DNAH1: variants seen among roughly 807,000 people sequenced by gnomAD.
DNAH1 encodes axonemal beta dynein heavy chain 1.
DNAH1 carries 327 observed loss-of-function variants against 484.3 expected under a neutral mutation model. That is an observed-to-expected ratio of 0.68 (90% CI 0.62 to 0.74). The LOEUF is 0.74. Ranked by LOEUF, DNAH1 falls within the 30% of genes least tolerant of loss-of-function variation. The probability of loss-of-function intolerance (pLI) is 0.00; values close to 1 mark genes in which losing one functional copy is unlikely to be tolerated. For synonymous variants in DNAH1, 2,192 were observed against 2,191.9 expected, an observed-to-expected ratio of 1.00 and a Z score of 0.00; for missense variants, 5,052 against 5,546.8, an observed-to-expected ratio of 0.91 and a Z score of 2.83.
Position 52,353,548 on chromosome 3 carries a change from G to A in DNAH1, c.3395G>A (p.Arg1132His), listed in dbSNP as rs751460685. Residue 1132 changes from arginine (R) to histidine (H), a missense_variant, in exon 20 of 78, where the codon CGC (arginine) becomes CAC (histidine). Coordinates refer to ENST00000420323, the MANE Select transcript of DNAH1 (RefSeq NM_015512.5). This position sits in a 1 kb window ranked among gnomAD's most constrained non-coding sequence, Gnocchi z 5.0. ...CCCAAGGCCAACCTGACCTTTGCTC[G>A]CTGCCTGGAGATGAACCTGCAGGAC... ...VRPKANLTFA[R>H]CLEMNLQDHI... The A allele has an allele frequency of 9.9e-6, 16 of 1,613,472 alleles. No individual in the cohort carries two copies. Among genetic ancestry groups the A allele is most frequent in the East Asian group, 6.7e-5 (3 of 44,868 alleles).
chr3:52,337,500 C>T (rs1028549930), intron 8 of DNAH1, among the ~76,000 whole-genome samples: 2 of 152,214 alleles, frequency 1.3e-5, no homozygotes, highest in Non-Finnish European at 2.9e-5. Context: ...TATTTGTGAG[C>T]CAAATTTAAA....
intron 32 of DNAH1, among the ~76,000 whole-genome samples, chr3:52,363,355 T>A (rs1253550978): frequency 2.0e-5 from 3 of 152,222 alleles, no homozygotes. Flanking sequence ...CTGGCCAGGC[T>A]CATGCAGTAC....
rs1405389253 is a variant in DNAH1, at chr3:52,350,012, C to A, written c.2550C>A (p.Ile850=). The A allele has an allele frequency of 6.2e-7, 1 of 1,612,166 alleles. No homozygotes were observed. The highest frequency in any genetic ancestry group is 2.2e-5 in the East Asian group (1 of 44,844). ...VDSICEEFRS[I]SRKIYEKPNS... is the part of the protein sequence containing the mutation. ...AGATCTGCGAGGAGTTCCGCAGCAT[C>A]AGCCGCAAGATCTATGAGAAGCCCA... The change falls in exon 15 of 78, where the codon ATC becomes ATA. Residue 850 remains isoleucine, a synonymous_variant. Coordinates refer to ENST00000420323, the MANE Select transcript of DNAH1 (RefSeq NM_015512.5).
intron 59 of DNAH1, 131 bp from the exon 60 acceptor site, chr3:52,389,330 T>C: frequency 7.4e-7 from 1 of 1,348,594 alleles, no homozygotes; most frequent in Non-Finnish European, 1.0e-6. Flanking sequence ...CGAAGTGGGA[T>C]TAGAATGCAG....
In DNAH1 at chr3:52,330,582, C is replaced by T. The variant is rs190523793; in HGVS notation, c.872-566C>T. The stretch of plus-strand genomic sequence containing the variant: ...CTAGAGAGAAATGAGTGAGGGGCAG[C>T]GGTGGGAGGTAAGCTAGAGAAGTGG... On this transcript the variant is annotated intron_variant, in intron 6 of 77. Transcript: ENST00000420323. 1.8e-3 allele frequency among the ~76,000 whole-genome samples: 269 copies of T among 152,284 alleles called. 2 individuals are homozygous for T. The highest frequency in any genetic ancestry group is 6.2e-3 in the African/African-American group (259 of 41,566).
Position 52,385,378 on chromosome 3 carries a change from C to T in DNAH1, c.8556C>T (p.Asp2852=), listed in dbSNP as rs1253957854. 2 of 1,552,914 alleles carry T rather than the reference C, an allele frequency of 1.3e-6. No homozygotes were observed. The highest frequency in any genetic ancestry group is 1.7e-6 in the Non-Finnish European group (2 of 1,147,676). Residue 2852 remains aspartate, a synonymous_variant, in exon 54 of 78, where the codon GAC becomes GAT. Transcript: ENST00000420323. ...AGGATGTAGCCAAGATGCAGGAGGA[C>T]CTGGAGAGTATGCACCCCCTGCTGG... ...TSEDVAKMQE[D]LESMHPLLEE...
intron 56 of DNAH1, among the ~76,000 whole-genome samples, chr3:52,387,593 C>T (rs1704164543): frequency 6.6e-6 from 1 of 152,222 alleles, no homozygotes; most frequent in Non-Finnish European, 1.5e-5. Context: ...AAACTAGAGG[C>T]CCCACAGGCC....
rs1236596773 is a variant in DNAH1, at chr3:52,362,729, C to A, written c.5094+228C>A. Among the ~76,000 whole-genome samples the A allele has an allele frequency of 3.9e-5, 6 of 152,170 alleles. No individual in the cohort carries two copies. Among genetic ancestry groups the A allele is most frequent in the African/African-American group, 1.4e-4 (6 of 41,438 alleles). On this transcript the variant is annotated intron_variant, in intron 31 of 77. Transcript: ENST00000420323. The surrounding 1 kb of genome is among the most constrained non-coding windows in gnomAD (Gnocchi z 5.1). ...GGTGTGGAGGGGGAATCTAATGAGA[C>A]CTGTTCACCCTGGGCCTTCAGGAGA... is the stretch of plus-strand genomic sequence containing the variant.
At chr3:52,352,919 T>C (rs1359883302) in intron 18 of DNAH1, among the ~76,000 whole-genome samples, 184 bp from the exon 19 acceptor site, 1 of 151,924 alleles carries the variant, frequency 6.6e-6, no homozygotes, top group Non-Finnish European at 1.5e-5. Context: ...GTGCAACAGC[T>C]CAGAGCCCAG....
chr3:52,333,002 C>A (rs1701609926), intron 8 of DNAH1, among the ~76,000 whole-genome samples: 2 of 152,202 alleles, frequency 1.3e-5, no homozygotes, highest in South Asian at 4.1e-4. Context: ...AGCCTCCCAC[C>A]TCAGCCTCCT....
chr3:52,311,064 G>A, the DNAH1 span, among the ~76,000 whole-genome samples: 5 of 152,344 alleles, frequency 3.3e-5, no homozygotes, highest in East Asian at 5.8e-4. Context: ...CCGGGACTTG[G>A]CCCTAAGGGA....
At chr3:52,315,169 C>T (rs1483445326), upstream of DNAH1, among the ~76,000 whole-genome samples, 2 of 152,140 alleles carry the variant, frequency 1.3e-5, no homozygotes, top group African/African-American at 4.8e-5. Flanking sequence ...TCTGACACCC[C>T]CCGCCCCCGA....
upstream of DNAH1, among the ~76,000 whole-genome samples, chr3:52,315,188 A>G (rs3852063): frequency 0.26 from 38,982 of 152,014 alleles, 6,198 homozygotes; most frequent in East Asian, 0.37. Flanking sequence ...GATGCCTGCA[A>G]CTCACTTTCT....
chr3:52,390,835 G>A (rs544706197), intron 60 of DNAH1, 100 bp from the exon 61 acceptor site: 21 of 1,509,240 alleles, frequency 1.4e-5, no homozygotes, highest in Non-Finnish European at 1.9e-5. Context: ...TAAGGAGAGG[G>A]AAGTCCATAG....
intron 50 of DNAH1, 32 bp from the exon 51 acceptor site, chr3:52,383,354 G>A: frequency 6.3e-7 from 1 of 1,597,642 alleles, no homozygotes; most frequent in Non-Finnish European, 8.6e-7. Context: ...ACATGCAGGG[G>A]CTTAGCTCCC....
chr3:52,358,252 C>G lies in DNAH1; in HGVS notation c.4086+249C>G, dbSNP rs1702701871. Among the ~76,000 whole-genome samples, 1 of 152,232 alleles carries G rather than the reference C, an allele frequency of 6.6e-6. No individual in the cohort carries two copies. Among genetic ancestry groups the G allele is most frequent in the African/African-American group, 2.4e-5 (1 of 41,464 alleles). On this transcript the variant is annotated intron_variant, in intron 24 of 77. Transcript: ENST00000420323. This position sits in a 1 kb window ranked among gnomAD's most constrained non-coding sequence, Gnocchi z 4.2. ...CAGCACACTGCAAAACCCATGAGGC[C>G]AGAAGCCTGTGGCCTGCCTTGTCTT...
chr3:52,335,798 A>G (rs1171179240), intron 8 of DNAH1, among the ~76,000 whole-genome samples: 1 of 151,316 alleles, frequency 6.6e-6, no homozygotes, highest in Admixed American at 6.6e-5. Flanking sequence ...CCACGCCCAG[A>G]TAATTTTGTA....
In DNAH1 at chr3:52,361,820, A is replaced by T. The variant is rs1278442236; in HGVS notation, c.4980+54A>T. 2.0e-6 allele frequency: 3 copies of T among 1,528,004 alleles called. No individual in the cohort carries two copies. The highest frequency in any genetic ancestry group is 1.8e-6 in the Non-Finnish European group (2 of 1,127,172). 94.7% of individuals were successfully genotyped at this position (1,528,004 alleles called of 1,614,324 possible). ...TCAGATCTGCCATACTCACGCCGCC[A>T]TACTGCTCCCCATTGCAGGCTGAGA... On this transcript the variant is annotated intron_variant, in intron 30 of 77. Transcript: ENST00000420323. This position sits in a 1 kb window ranked among gnomAD's most constrained non-coding sequence, Gnocchi z 5.6.
At chr3:52,397,391 GCCA>G (rs1463712512) in intron 73 of DNAH1, among the ~76,000 whole-genome samples, 1 of 152,206 alleles carries the variant, frequency 6.6e-6, no homozygotes, top group Non-Finnish European at 1.5e-5. Flanking sequence ...GTGAGGAGAA[GCCA>G]TGAGCCAGGG....
Sources: gnomAD v4.1 joint callset for allele counts (sites outside exome capture counted in the v4.1 genomes callset) on GRCh38, gnomAD v4.1.1 for gene constraint, Gnocchi (gnomAD v3.1) non-coding constraint, MANE v1.5 for transcripts, NCBI Gene and HGNC (gene_info 2026-07-23, HGNC 2026-07-21) for gene names.